The following PPP2CA variants were observed in gnomAD, a reference collection of about 807,000 sequenced individuals.
PPP2CA encodes protein phosphatase 2 catalytic subunit alpha, also known as serine/threonine-protein phosphatase 2A catalytic subunit alpha isoform.
In PPP2CA, 5 loss-of-function variants were observed where a neutral mutation model predicts 38.8. That is an observed-to-expected ratio of 0.13 (90% CI 0.07 to 0.27). The LOEUF is 0.27. PPP2CA is among the 10% of genes least tolerant of loss of function. The probability of loss-of-function intolerance (pLI) is 1.00; values close to 1 mark genes in which losing one functional copy is unlikely to be tolerated. For missense variants in PPP2CA, 88 were observed against 389.7 expected (o/e 0.23, Z 6.52); for synonymous variants, 152 against 134.0 (o/e 1.13, Z -0.93).
Position 134,224,476 on chromosome 5 carries a change from A to G in PPP2CA, c.102+1284T>C, listed in dbSNP as rs185130988. On this transcript the variant is annotated intron_variant, in intron 1 of 6. Coordinates refer to ENST00000481195, the MANE Select transcript of PPP2CA (RefSeq NM_002715.4). Reference sequence around the variant, plus strand: ...ACATATACGTCAAACTCATGAACCTAATTTTCACATCAAACCAGAAACAAA... The same window carrying G: ...ACATATACGTCAAACTCATGAACCTGATTTTCACATCAAACCAGAAACAAA... 2.6e-3 allele frequency: 896 copies of G among 350,540 alleles called. 3 individuals carry two copies. Among genetic ancestry groups the G allele is most frequent in the Non-Finnish European group, 3.8e-3 (686 of 179,524 alleles). 21.7% of individuals were successfully genotyped at this position (350,540 alleles called of 1,614,324 possible).
At chr5:134,200,945 A>AT in intron 4 of PPP2CA, 40 bp downstream of exon 4, 1 of 1,492,862 alleles carries the variant, frequency 6.7e-7, no homozygotes, top group Non-Finnish European at 9.3e-7. Context: ...CCACTCCCTA[A>AT]TAAGTTTTCT....
intron 4 of PPP2CA, 83 bp downstream of exon 4, chr5:134,200,902 G>A: frequency 8.9e-7 from 1 of 1,121,266 alleles, no homozygotes; most frequent in South Asian, 1.3e-5. Flanking sequence ...TTATATGAGA[G>A]AATACATCTA....
rs981734385 is a variant in PPP2CA at position 134,194,546 on chromosome 5, A to G, written c.*3226T>C. 1 of 152,296 alleles carries G rather than the reference A, an allele frequency of 6.6e-6. No homozygotes were observed. The highest frequency in any genetic ancestry group is 1.5e-5 in the Non-Finnish European group (1 of 68,050). 9.4% of individuals were successfully genotyped at this position (152,296 alleles called of 1,614,324 possible). On this transcript the variant is annotated 3_prime_UTR_variant, in exon 7 of 7. Transcript: ENST00000481195. ...GCACGGTACATTTTAATTCCTTATCAACATCCATGAACCACCACCATGTAT... is the reference window on the plus strand; with the variant it reads ...GCACGGTACATTTTAATTCCTTATCGACATCCATGAACCACCACCATGTAT...
At chr5:134,213,090 G>C (rs755783402) in intron 1 of PPP2CA, among the ~76,000 whole-genome samples, 1 of 152,190 alleles carries the variant, frequency 6.6e-6, no homozygotes, top group Non-Finnish European at 1.5e-5. Flanking sequence ...CTAAACAACA[G>C]GTTTTCAATG....
At chr5:134,208,547 TC>T in intron 1 of PPP2CA, among the ~76,000 whole-genome samples, 1 of 8,746 alleles carries the variant, frequency 1.1e-4, no homozygotes, top group Middle Eastern at 0.056. Context: ...GTACAGATGC[TC>T]CTCAATTTGT....
chr5:134,197,729 C>T lies in PPP2CA; in HGVS notation c.*43G>A, dbSNP rs769956657. Reference sequence around the variant, plus strand: ...GTTGCTCTTCCCATTTCCATTAGGTCGATATATGGTTCATGGCAATACTGT... The same window carrying T: ...GTTGCTCTTCCCATTTCCATTAGGTTGATATATGGTTCATGGCAATACTGT... On this transcript the variant is annotated 3_prime_UTR_variant, in exon 7 of 7. Transcript: ENST00000481195. 5.5e-6 allele frequency: 8 copies of T among 1,465,298 alleles called. No homozygotes were observed. The highest frequency in any genetic ancestry group is 4.5e-5 in the East Asian group (2 of 44,112). 90.8% of individuals were successfully genotyped at this position (1,465,298 alleles called of 1,614,324 possible). A position where few individuals can be genotyped will look rare whatever the true frequency, so the allele number is the denominator to read the frequency against.
rs368267493 is a variant in PPP2CA at position 134,199,097 on chromosome 5, T to G, written c.846A>C (p.Leu282=). The G allele has an allele frequency of 1.2e-6, 2 of 1,607,438 alleles. No individual in the cohort carries two copies. Among genetic ancestry groups the G allele is most frequent in the African/African-American group, 2.7e-5 (2 of 74,790 alleles). ...QAAIMELDDT[L]KYSFLQFDPA... is the part of the protein sequence containing the mutation. ...GTAGAATTACTTACAAAGAGTATTT[T>G]AGAGTATCGTCAAGTTCCATGATTG... Residue 282 remains leucine (L), a synonymous_variant, in exon 6 of 7, where the codon CTA becomes CTC. Transcript: ENST00000481195.
intron 1 of PPP2CA, among the ~76,000 whole-genome samples, chr5:134,220,456 CAAAAAAAAAA>C (rs10649430): frequency 9.3e-5 from 5 of 54,054 alleles, no homozygotes; most frequent in Non-Finnish European, 1.3e-4. Context: ...GACTCTATCT[CAAAAAAAAAA>C]AAAAAAAAAA....
chr5:134,213,024 AACT>A (rs1458934034), intron 1 of PPP2CA, among the ~76,000 whole-genome samples: 3 of 152,114 alleles, frequency 2.0e-5, no homozygotes, highest in South Asian at 2.1e-4. Flanking sequence ...CCAATATAAA[AACT>A]ACAACAAGTT....
At chr5:134,211,534 T>C (rs1281660070) in intron 1 of PPP2CA, among the ~76,000 whole-genome samples, 1 of 150,930 alleles carries the variant, frequency 6.6e-6, no homozygotes, top group Non-Finnish European at 1.5e-5. Flanking sequence ...TGGAGTGCAA[T>C]GGTGCGATCT....
intron 1 of PPP2CA, among the ~76,000 whole-genome samples, chr5:134,216,343 C>A (rs1483740971): frequency 2.0e-5 from 3 of 151,518 alleles, no homozygotes; most frequent in African/African-American, 7.3e-5. Flanking sequence ...TTGAGAACAG[C>A]CTGGGCAACA....
rs1290057550 is a variant in PPP2CA at position 134,196,148 on chromosome 5, C to A, written c.*1624G>T. 2.6e-5 allele frequency: 4 copies of A among 152,084 alleles called. No individual in the cohort carries two copies. In the East Asian group the frequency reaches 7.7e-4, roughly 29 times the overall value. 9.4% of individuals were successfully genotyped at this position (152,084 alleles called of 1,614,324 possible). ...GCTTTGGAAAATTAACTCCACAAGC[C>A]ACTAAAAATACTATCAATTAGATCA... On this transcript the variant is annotated 3_prime_UTR_variant, in exon 7 of 7. Coordinates refer to ENST00000481195, the MANE Select transcript of PPP2CA (RefSeq NM_002715.4).
At chr5:134,213,991 A>G (rs1162757301) in intron 1 of PPP2CA, among the ~76,000 whole-genome samples, 1 of 151,900 alleles carries the variant, frequency 6.6e-6, no homozygotes, top group African/African-American at 2.4e-5. Flanking sequence ...CAGCCAGGTA[A>G]GATGGCACAG....
intron 1 of PPP2CA, among the ~76,000 whole-genome samples, chr5:134,210,068 G>A (rs567454702): frequency 2.6e-5 from 4 of 151,580 alleles, no homozygotes; most frequent in Admixed American, 6.6e-5. Context: ...GCAGTGAGCC[G>A]TGATCATACC....
At chr5:134,200,790 CCAGCTTCACAGCT>C (rs1409184105) in intron 4 of PPP2CA, among the ~76,000 whole-genome samples, 182 bp downstream of exon 4, 2 of 152,192 alleles carry the variant, frequency 1.3e-5, no homozygotes, top group Non-Finnish European at 1.5e-5. Flanking sequence ...CCTAATAAGC[CCAGCTTCACAGCT>C]GTTGTGATCT....
intron 1 of PPP2CA, among the ~76,000 whole-genome samples, chr5:134,212,075 C>T (rs1762216840): frequency 6.6e-6 from 1 of 151,746 alleles, no homozygotes; most frequent in Non-Finnish European, 1.5e-5. Context: ...GCGGAGACCG[C>T]ACCACTGCAC....
Position 134,206,117 on chromosome 5 carries a change from C to T in PPP2CA, c.117G>A (p.Leu39=). The T allele has an allele frequency of 6.2e-7, 1 of 1,613,886 alleles. No homozygotes were observed. The highest frequency in any genetic ancestry group is 8.5e-7 in the Non-Finnish European group (1 of 1,179,818). ...CCTCTTGCACGTTGGATTCTTTTGT[C>T]AGGATTTCTTTAGCCTACAGATGGG... is the stretch of plus-strand genomic sequence containing the variant. ...KSLCEKAKEI[L]TKESNVQEVR... The change falls in exon 2 of 7, where the codon CTG becomes CTA. Residue 39 remains leucine, a synonymous_variant. Coordinates refer to ENST00000481195, the MANE Select transcript of PPP2CA (RefSeq NM_002715.4).
Position 134,225,888 on chromosome 5 carries a change from G to C in PPP2CA, c.-27C>G. 1 of 1,594,734 alleles carries C rather than the reference G, an allele frequency of 6.3e-7. No individual in the cohort carries two copies. On this transcript the variant is annotated 5_prime_UTR_variant, in exon 1 of 7. Coordinates refer to ENST00000481195, the MANE Select transcript of PPP2CA (RefSeq NM_002715.4). ...ATGCCACCCGCCCCAGCCGGCTGCC[G>C]CTCCGCGCTGCTCCCGCGCCGCCGC...
intron 1 of PPP2CA, among the ~76,000 whole-genome samples, chr5:134,219,468 A>C (rs1187646862): frequency 6.6e-6 from 1 of 152,246 alleles, no homozygotes; most frequent in African/African-American, 2.4e-5. Flanking sequence ...CATCTAGGAC[A>C]AAGGTTTGCA....
Sources: gnomAD v4.1 joint callset for allele counts (sites outside exome capture counted in the v4.1 genomes callset) on GRCh38, gnomAD v4.1.1 for gene constraint, MANE v1.5 for transcripts, NCBI Gene and HGNC (gene_info 2026-07-23, HGNC 2026-07-21) for gene names.